Variants in LARP4B observed in about 807,000 individuals in gnomAD.
LARP4B encodes la-related protein 4B.
Under a neutral mutation model 89.8 loss-of-function variants are expected in LARP4B, and 12 were observed. That is an observed-to-expected ratio of 0.13 (90% CI 0.09 to 0.22). The LOEUF (loss-of-function observed/expected upper bound fraction) is 0.22, where lower values mean the gene tolerates loss of function less well. Ranked by LOEUF, LARP4B falls within the 10% of genes least tolerant of loss-of-function variation. LARP4B has a pLI of 1.00. For missense variants in LARP4B, 757 were observed against 947.7 expected (o/e 0.80, Z 2.64); for synonymous variants, 367 against 363.3 (o/e 1.01, Z -0.12).
chr10:905,697 AAGGGAGGAGCTGAGGAGC>A (rs1044561569), intron 1 of LARP4B, among the ~76,000 whole-genome samples: 3 of 149,042 alleles, frequency 2.0e-5, no homozygotes, highest in Admixed American at 6.6e-5. Context: ...GCTGAGGAGC[AAGGGAGGAGCTGAGGAGC>A]AGGGAAGGAG....
At chr10:900,808 G>A (rs1362031165) in intron 1 of LARP4B, among the ~76,000 whole-genome samples, 1 of 150,644 alleles carries the variant, frequency 6.6e-6, no homozygotes, top group Non-Finnish European at 1.5e-5. Flanking sequence ...TTAGAGAGAC[G>A]ATGTTTCACC....
intron 5 of LARP4B, among the ~76,000 whole-genome samples, chr10:860,845 T>G (rs1206034878): frequency 2.6e-5 from 4 of 151,746 alleles, no homozygotes; most frequent in African/African-American, 9.7e-5. Context: ...AAACGCAAAC[T>G]GACATATAGT....
At chr10:872,966 A>C in intron 3 of LARP4B, 1 of 939,496 alleles carries the variant, frequency 1.1e-6, no homozygotes, top group Non-Finnish European at 1.3e-6. Context: ...AACGCCAGCT[A>C]CACTGCTGGC....
At chr10:877,133 C>T (rs1835489485) in intron 3 of LARP4B, among the ~76,000 whole-genome samples, 1 of 152,182 alleles carries the variant, frequency 6.6e-6, no homozygotes, top group South Asian at 2.1e-4. Context: ...TCCTAGAGGG[C>T]AAATGTGATG....
chr10:812,885 G>T lies in LARP4B; in HGVS notation c.*41C>A. 1 of 1,498,052 alleles carries T rather than the reference G, an allele frequency of 6.7e-7. No individual in the cohort carries two copies. Among genetic ancestry groups the T allele is most frequent in the Non-Finnish European group, 8.9e-7 (1 of 1,128,642 alleles). 92.8% of individuals were successfully genotyped at this position (1,498,052 alleles called of 1,614,324 possible). A position where few individuals can be genotyped will look rare whatever the true frequency, so the allele number is the denominator to read the frequency against. ...TGAGTGGGAGAGTGTCTCGTTTGTGGTTAACACAGCGCTCTGCGACCCCTC... is the reference window on the plus strand; with the variant it reads ...TGAGTGGGAGAGTGTCTCGTTTGTGTTTAACACAGCGCTCTGCGACCCCTC... On this transcript the variant is annotated 3_prime_UTR_variant, in exon 18 of 18. Transcript: ENST00000316157.
At position 865,902 on chromosome 10, in the gene LARP4B, C is replaced by A. The variant is rs1163474402; in HGVS notation, c.142-1632G>T. ...AGCTGGGAGCAGTTACACTGCACTA[C>A]CCCAGCATGCAGCATAGACACACCA... On this transcript the variant is annotated intron_variant, in intron 3 of 17. Coordinates refer to ENST00000316157, the MANE Select transcript of LARP4B (RefSeq NM_015155.3). 7.2e-5 allele frequency among the ~76,000 whole-genome samples: 11 copies of A among 152,322 alleles called. No individual in the cohort carries two copies. In the East Asian group the frequency reaches 2.1e-3, roughly 29 times the overall value.
chr10:918,882 C>T lies in LARP4B; in HGVS notation c.-40+12546G>A, dbSNP rs138559225. Among the ~76,000 whole-genome samples the T allele has an allele frequency of 4.4e-3, 673 of 152,078 alleles. 21 individuals are homozygous for T. The East Asian group carries it at 0.077, about 18-fold the overall frequency. On this transcript the variant is annotated intron_variant, in intron 1 of 17. Transcript: ENST00000316157. ...ACGAGGTCAGGAGATCGCAACCATC[C>T]TGGCTAACACGGTGAAACCCCATCT...
the LARP4B span, among the ~76,000 whole-genome samples, chr10:946,298 C>G: frequency 6.6e-6 from 1 of 152,116 alleles, no homozygotes. Context: ...TCTGGGGAGG[C>G]CTTTACACCC....
chr10:873,684 C>T (rs545710508), intron 3 of LARP4B, among the ~76,000 whole-genome samples: 28 of 151,252 alleles, frequency 1.9e-4, no homozygotes, highest in Admixed American at 5.9e-4. Context: ...TAAAAAGAGA[C>T]GAAAAAATCA....
intron 2 of LARP4B, 83 bp downstream of exon 2, chr10:885,558 T>A (rs1248637918): frequency 6.3e-6 from 6 of 945,824 alleles, no homozygotes; most frequent in East Asian, 5.0e-5. Flanking sequence ...TGTTCCTGTT[T>A]AGAACTCCTT....
At chr10:863,722 G>A (rs766534022) in intron 5 of LARP4B, 21 bp downstream of exon 5, 3 of 1,568,250 alleles carry the variant, frequency 1.9e-6, no homozygotes, top group Non-Finnish European at 2.6e-6. Flanking sequence ...CTGGGAAAAT[G>A]CACCCATAAG....
chr10:833,249 T>A (rs201507412), intron 8 of LARP4B, among the ~76,000 whole-genome samples: 2 of 52,038 alleles, frequency 3.8e-5, no homozygotes, highest in Non-Finnish European at 6.6e-5. Flanking sequence ...TGATGAGCTT[T>A]AAAAAAAAAA....
At chr10:926,675 A>G (rs115853515) in intron 1 of LARP4B, among the ~76,000 whole-genome samples, 110 of 152,380 alleles carry the variant, frequency 7.2e-4, no homozygotes, top group African/African-American at 2.6e-3. Context: ...CACTTTCAGC[A>G]AAGATCAAGT....
At chr10:843,456 T>TG (rs1415634207) in intron 6 of LARP4B, among the ~76,000 whole-genome samples, 1 of 152,168 alleles carries the variant, frequency 6.6e-6, no homozygotes, top group African/African-American at 2.4e-5. Context: ...CCCAGCACTT[T>TG]GGGGGGCCAA....
intron 3 of LARP4B, among the ~76,000 whole-genome samples, chr10:878,622 A>T (rs1022305532): frequency 3.3e-5 from 5 of 152,150 alleles, no homozygotes; most frequent in African/African-American, 1.2e-4. Context: ...TACTTTTACG[A>T]TCTGTGCACA....
chr10:914,430 G>C (rs894681741), intron 1 of LARP4B, among the ~76,000 whole-genome samples: 1 of 151,868 alleles, frequency 6.6e-6, no homozygotes, highest in Admixed American at 6.6e-5. Flanking sequence ...AAAAAAGAAA[G>C]GTAGGTTGCA....
intron 3 of LARP4B, among the ~76,000 whole-genome samples, chr10:879,220 A>G (rs1364830001): frequency 1.3e-5 from 2 of 152,260 alleles, no homozygotes; most frequent in African/African-American, 4.8e-5. Context: ...TATGTCATCA[A>G]AAAGAAATAT....
intron 15 of LARP4B, chr10:815,650 C>T (rs1316578452): frequency 6.6e-6 from 1 of 152,270 alleles, no homozygotes; most frequent in East Asian, 1.9e-4. Flanking sequence ...CGGAGTGAAA[C>T]TTACTCCCTC....
Position 901,280 on chromosome 10 carries a change from G to A in LARP4B, c.-39-15520C>T, listed in dbSNP as rs189918258. ...CACGTGCATATCTAAATAGAGAAGT[G>A]CAGAAAATAAAATACAATAGGAATT... On this transcript the variant is annotated intron_variant, in intron 1 of 17. Transcript: ENST00000316157. Among the ~76,000 whole-genome samples the A allele has an allele frequency of 6.4e-4, 98 of 152,260 alleles. 1 individual carries two copies. The Middle Eastern group carries it at 0.031, about 48-fold the overall frequency.
Sources: allele counts gnomAD v4.1 joint callset (sites outside exome capture counted in the v4.1 genomes callset), GRCh38; gene constraint gnomAD v4.1.1; transcripts MANE v1.5; gene names NCBI Gene and HGNC (gene_info 2026-07-23, HGNC 2026-07-21).